The following ANKS1B variants were observed in gnomAD, a reference collection of about 807,000 sequenced individuals.
ANKS1B encodes the protein ankyrin repeat and sterile alpha motif domain-containing protein 1B.
In ANKS1B, 36 loss-of-function variants were observed where a neutral mutation model predicts 148.3. That is an observed-to-expected ratio of 0.24 (90% CI 0.19 to 0.32). The LOEUF (loss-of-function observed/expected upper bound fraction) is 0.32, where lower values mean the gene tolerates loss of function less well. ANKS1B is among the 10% of genes least tolerant of loss of function. The pLI is 1.00. For synonymous variants in ANKS1B, 542 were observed against 560.8 expected, an observed-to-expected ratio of 0.97 and a Z score of 0.47; for missense variants, 1,157 against 1,542.6, an observed-to-expected ratio of 0.75 and a Z score of 4.19.
chr12:99,079,678 G>A (rs2048985397), intron 16 of ANKS1B: 1 of 152,206 alleles, frequency 6.6e-6, no homozygotes, highest in African/African-American at 2.4e-5. Context: ...TATTGTGGAA[G>A]CCGAAAGAAG....
chr12:99,136,534 A>G (rs1221505749), intron 15 of ANKS1B, among the ~76,000 whole-genome samples: 1 of 152,200 alleles, frequency 6.6e-6, no homozygotes, highest in African/African-American at 2.4e-5. Flanking sequence ...TCAGTTTGCA[A>G]CTGTAGTGTG....
chr12:99,044,920 G>A (rs1040395324), intron 17 of ANKS1B, among the ~76,000 whole-genome samples: 2 of 152,058 alleles, frequency 1.3e-5, no homozygotes, highest in Non-Finnish European at 1.5e-5. Flanking sequence ...ACCGAGGGGC[G>A]GATATAAGAT....
rs78304977 is a variant in ANKS1B at position 98,974,583 on chromosome 12, G to C, written c.2778+78574C>G. 8.3e-4 allele frequency among the ~76,000 whole-genome samples: 126 copies of C among 152,202 alleles called. 1 individual carries two copies. In the East Asian group the frequency reaches 0.024, roughly 28 times the overall value. On this transcript the variant is annotated intron_variant, in intron 17 of 26. Coordinates refer to ENST00000683438, the MANE Select transcript of ANKS1B (RefSeq NM_001352186.2). Reference sequence around the variant, plus strand: ...TATAAAAAGGTAAACTTTTTAAAAAGAGAATCATGAAGTAGTGCTTCTACA... The same window carrying C: ...TATAAAAAGGTAAACTTTTTAAAAACAGAATCATGAAGTAGTGCTTCTACA...
chr12:99,840,876 C>T (rs756012822), intron 1 of ANKS1B, among the ~76,000 whole-genome samples: 22 of 152,104 alleles, frequency 1.4e-4, no homozygotes, highest in African/African-American at 2.7e-4. Context: ...ATGAATTTAA[C>T]GGCATGCCTG....
At chr12:99,824,077 C>CT (rs970158741) in intron 2 of ANKS1B, among the ~76,000 whole-genome samples, 12 of 152,040 alleles carry the variant, frequency 7.9e-5, no homozygotes, top group African/African-American at 2.9e-4. Context: ...TATTTGAGCT[C>CT]TTTTTTTAAA....
At chr12:99,475,330 G>A (rs2096301691) in intron 10 of ANKS1B, among the ~76,000 whole-genome samples, 1 of 150,608 alleles carries the variant, frequency 6.6e-6, no homozygotes, top group Non-Finnish European at 1.5e-5. Flanking sequence ...TAAGGTAGCT[G>A]AATACAACTA....
intron 17 of ANKS1B, among the ~76,000 whole-genome samples, chr12:99,002,471 A>G (rs2099933577): frequency 1.3e-5 from 2 of 148,152 alleles, no homozygotes; most frequent in South Asian, 4.3e-4. Flanking sequence ...CATAGCCGAC[A>G]CTTCATGTAC....
chr12:98,959,924 G>T (rs1280886453), intron 17 of ANKS1B, among the ~76,000 whole-genome samples: 2 of 152,164 alleles, frequency 1.3e-5, no homozygotes, highest in African/African-American at 4.8e-5. Flanking sequence ...AAGAGTAGAA[G>T]AACTTTGTGT....
At chr12:99,675,155 A>G (rs1362148334) in intron 8 of ANKS1B, among the ~76,000 whole-genome samples, 2 of 152,020 alleles carry the variant, frequency 1.3e-5, no homozygotes, top group Non-Finnish European at 2.9e-5. Flanking sequence ...ATTTTGAAGG[A>G]TAAGTTGGTA....
intron 17 of ANKS1B, among the ~76,000 whole-genome samples, chr12:98,989,255 G>C (rs1276022015): frequency 6.6e-6 from 1 of 152,058 alleles, no homozygotes; most frequent in African/African-American, 2.4e-5. Flanking sequence ...TAACATTTAT[G>C]GCTTTCATCC....
intron 8 of ANKS1B, among the ~76,000 whole-genome samples, chr12:99,743,681 T>G (rs761708063): frequency 3.9e-5 from 6 of 152,172 alleles, no homozygotes; most frequent in Non-Finnish European, 8.8e-5. Context: ...GGTGAAATAT[T>G]TGTCACCAAC....
chr12:99,652,016 G>C (rs559169602), intron 9 of ANKS1B, among the ~76,000 whole-genome samples: 1 of 149,720 alleles, frequency 6.7e-6, no homozygotes, highest in African/African-American at 2.5e-5. Flanking sequence ...AATATATTTT[G>C]CAATGAAAAT....
chr12:99,539,987 T>C (rs2097109461), intron 9 of ANKS1B, among the ~76,000 whole-genome samples: 1 of 151,668 alleles, frequency 6.6e-6, no homozygotes, highest in African/African-American at 2.4e-5. Flanking sequence ...ATCATGCAAA[T>C]AACAACCAAA....
At position 99,659,643 on chromosome 12, in the gene ANKS1B, T is replaced by A. The variant is rs77224973; in HGVS notation, c.1129-4433A>T. On this transcript the variant is annotated intron_variant, in intron 8 of 26. Coordinates refer to ENST00000683438, the MANE Select transcript of ANKS1B (RefSeq NM_001352186.2). Reference sequence around the variant, plus strand: ...GTGAGGCAGTGTGTGTTCGTGTGTGTTTGTGTGTCTGTGTGTGTGCATGTG... The same window carrying A: ...GTGAGGCAGTGTGTGTTCGTGTGTGATTGTGTGTCTGTGTGTGTGCATGTG... Among the ~76,000 whole-genome samples, 815 of 149,774 alleles carry A rather than the reference T, an allele frequency of 5.4e-3. 7 individuals are homozygous for A. The highest frequency in any genetic ancestry group is 0.019 in the African/African-American group (773 of 41,126).
At chr12:98,835,451 A>G (rs2099357531) in intron 17 of ANKS1B, among the ~76,000 whole-genome samples, 1 of 152,232 alleles carries the variant, frequency 6.6e-6, no homozygotes, top group Admixed American at 6.5e-5. Context: ...GTTCATTGTC[A>G]TAAAGTCAAT....
intron 8 of ANKS1B, among the ~76,000 whole-genome samples, chr12:99,670,494 AATTT>A (rs1326636302): frequency 1.3e-5 from 2 of 152,028 alleles, no homozygotes; most frequent in African/African-American, 4.8e-5. Context: ...ATTTCAAATA[AATTT>A]ATTTAAATTT....
At chr12:98,996,834 A>T (rs2153342480) in intron 17 of ANKS1B, among the ~76,000 whole-genome samples, 1 of 150,736 alleles carries the variant, frequency 6.6e-6, no homozygotes, top group Middle Eastern at 3.4e-3. Flanking sequence ...AAAAAAAAAA[A>T]AAAAAAAGAA....
chr12:99,941,630 G>A (rs966584005), intron 1 of ANKS1B, among the ~76,000 whole-genome samples: 3 of 152,142 alleles, frequency 2.0e-5, no homozygotes, highest in Non-Finnish European at 4.4e-5. Context: ...TCACCTCAGA[G>A]TTGAGAGTCA....
chr12:99,673,975 G>A (rs974858217), intron 8 of ANKS1B, among the ~76,000 whole-genome samples: 1 of 151,588 alleles, frequency 6.6e-6, no homozygotes, highest in Non-Finnish European at 1.5e-5. Context: ...TATAAGCAAA[G>A]ACTTCTAGAA....
Sources: gnomAD v4.1 joint callset for allele counts (sites outside exome capture counted in the v4.1 genomes callset) on GRCh38, gnomAD v4.1.1 for gene constraint, MANE v1.5 for transcripts, NCBI Gene and HGNC (gene_info 2026-07-23, HGNC 2026-07-21) for gene names.